The following PLCB4 variants were observed in gnomAD, a reference collection of about 807,000 sequenced individuals.
The protein encoded by PLCB4 is phospholipase C beta 4.
A neutral mutation model predicts 178.8 loss-of-function variants in PLCB4; 77 were observed. The ratio of observed to expected loss-of-function variants is 0.43; its 90% CI spans 0.36 to 0.52. The LOEUF (loss-of-function observed/expected upper bound fraction) is 0.52, where lower values mean the gene tolerates loss of function less well. Ranked by LOEUF, PLCB4 falls within the 20% of genes least tolerant of loss-of-function variation. PLCB4 has a pLI of 0.00. For missense variants in PLCB4, 1,024 were observed against 1,453.4 expected (o/e 0.70, Z 4.80); for synonymous variants, 496 against 490.8 (o/e 1.01, Z -0.14).
At chr20:9,448,917 G>C (rs1159676078) in intron 32 of PLCB4, among the ~76,000 whole-genome samples, 1 of 152,094 alleles carries the variant, frequency 6.6e-6, no homozygotes, top group Non-Finnish European at 1.5e-5. Context: ...GCAAATAGGT[G>C]TGCAATTTGC....
chr20:9,188,874 G>A (rs2093364603), intron 2 of PLCB4, among the ~76,000 whole-genome samples: 1 of 91,908 alleles, frequency 1.1e-5, no homozygotes, highest in Non-Finnish European at 2.0e-5. Context: ...GACATTCTGG[G>A]TTGGTTAATT....
chr20:9,200,573 T>G (rs1405539666), intron 2 of PLCB4, among the ~76,000 whole-genome samples: 1 of 152,192 alleles, frequency 6.6e-6, no homozygotes, highest in Admixed American at 6.5e-5. Context: ...ATCCAATCAT[T>G]GTCTTTTTCT....
chr20:9,177,172 T>C (rs1230803514), intron 2 of PLCB4, among the ~76,000 whole-genome samples: 2 of 151,934 alleles, frequency 1.3e-5, no homozygotes, highest in African/African-American at 4.8e-5. Flanking sequence ...CTAAGCAGAA[T>C]GTGAAAAAAT....
At chr20:9,386,805 C>T (rs1415224279) in intron 14 of PLCB4, among the ~76,000 whole-genome samples, 1 of 112,924 alleles carries the variant, frequency 8.9e-6, no homozygotes, top group Non-Finnish European at 1.8e-5. Flanking sequence ...GCTATCCCTC[C>T]CCCCTCCCCC....
At chr20:9,434,050 G>T (rs1444828283) in intron 28 of PLCB4, among the ~76,000 whole-genome samples, 1 of 152,148 alleles carries the variant, frequency 6.6e-6, no homozygotes, top group Non-Finnish European at 1.5e-5. Flanking sequence ...TAATAGCAAA[G>T]AACTGGAAGG....
intron 19 of PLCB4, among the ~76,000 whole-genome samples, chr20:9,400,788 G>C (rs748249739): frequency 2.0e-5 from 3 of 152,098 alleles, no homozygotes; most frequent in Non-Finnish European, 4.4e-5. Context: ...GGTGGATTCT[G>C]GCATTCTTGT....
At chr20:9,359,543 C>CGT (rs1355540335) in intron 7 of PLCB4, among the ~76,000 whole-genome samples, 1 of 152,120 alleles carries the variant, frequency 6.6e-6, no homozygotes, top group Admixed American at 6.5e-5. Flanking sequence ...ACAGGGAAAC[C>CGT]GTGCTGATCC....
At chr20:9,341,458 A>G (rs1156542287) in intron 7 of PLCB4, among the ~76,000 whole-genome samples, 1 of 152,202 alleles carries the variant, frequency 6.6e-6, no homozygotes, top group African/African-American at 2.4e-5. Flanking sequence ...GAGAAAAAGC[A>G]AATGTTAATA....
chr20:9,145,599 GA>G (rs2092584046), intron 2 of PLCB4, among the ~76,000 whole-genome samples: 1 of 151,858 alleles, frequency 6.6e-6, no homozygotes, highest in Non-Finnish European at 1.5e-5. Context: ...GATAGGGAGA[GA>G]ATGTTCAGCA....
At chr20:9,269,061 A>G (rs759291010) in intron 3 of PLCB4, among the ~76,000 whole-genome samples, 4 of 152,234 alleles carry the variant, frequency 2.6e-5, no homozygotes, top group Non-Finnish European at 5.9e-5. Flanking sequence ...TGGGATCAAA[A>G]AAATGAGGCT....
At chr20:9,140,039 C>T (rs958112822) in intron 2 of PLCB4, among the ~76,000 whole-genome samples, 10 of 152,108 alleles carry the variant, frequency 6.6e-5, no homozygotes. Flanking sequence ...CTGCCTGACA[C>T]TTGCCTTCTA....
At chr20:9,154,905 C>CTCCA (rs2092757965) in intron 2 of PLCB4, among the ~76,000 whole-genome samples, 1 of 62,338 alleles carries the variant, frequency 1.6e-5, no homozygotes, top group African/African-American at 6.0e-5. Context: ...CCCTCCTTCC[C>CTCCA]TCCTTCCTTC....
At chr20:9,287,680 C>A (rs2094546811) in intron 3 of PLCB4, among the ~76,000 whole-genome samples, 1 of 151,984 alleles carries the variant, frequency 6.6e-6, no homozygotes, top group African/African-American at 2.4e-5. Flanking sequence ...TGAGGGATTT[C>A]TGTATGCTAA....
intron 3 of PLCB4, among the ~76,000 whole-genome samples, chr20:9,301,515 T>C (rs887610205): frequency 2.0e-5 from 3 of 152,082 alleles, no homozygotes; most frequent in African/African-American, 7.2e-5. Context: ...GACCACCTTA[T>C]AGGTCTAGCA....
chr20:9,247,915 T>G (rs769302454), intron 3 of PLCB4, among the ~76,000 whole-genome samples: 1 of 152,166 alleles, frequency 6.6e-6, no homozygotes, highest in Non-Finnish European at 1.5e-5. Flanking sequence ...TTTTATTTCT[T>G]AAAAAACATT....
At position 9,324,070 on chromosome 20, in the gene PLCB4, G is replaced by A. The variant is rs1053701475; in HGVS notation, c.85-13056G>A. Among the ~76,000 whole-genome samples the A allele has an allele frequency of 2.0e-5, 3 of 151,974 alleles. No individual in the cohort carries two copies. In the South Asian group the frequency reaches 6.2e-4, roughly 32 times the overall value. On this transcript the variant is annotated intron_variant, in intron 4 of 39. Transcript: ENST00000378473. ...CCTGTAATCTCAGCTACTCAGGAGG[G>A]AGGCTGAGGCAGGAGAATTGCTTAA...
chr20:9,390,930 C>G (rs1158227897), intron 17 of PLCB4, among the ~76,000 whole-genome samples: 1 of 152,156 alleles, frequency 6.6e-6, no homozygotes, highest in Non-Finnish European at 1.5e-5. Flanking sequence ...GAATCACCTA[C>G]AAAACTGTTA....
chr20:9,138,003 A>T (rs2092417358), intron 2 of PLCB4, among the ~76,000 whole-genome samples: 1 of 152,144 alleles, frequency 6.6e-6, no homozygotes, highest in African/African-American at 2.4e-5. Context: ...TATGTAGAGA[A>T]TTTTACGTGC....
chr20:9,365,790 A>G (rs1408825649), intron 9 of PLCB4, among the ~76,000 whole-genome samples: 1 of 152,212 alleles, frequency 6.6e-6, no homozygotes, highest in Non-Finnish European at 1.5e-5. Context: ...AAATCGGCAA[A>G]TAAGTGGTTT....
Sources: gnomAD v4.1 joint callset for allele counts (sites outside exome capture counted in the v4.1 genomes callset) on GRCh38, gnomAD v4.1.1 for gene constraint, MANE v1.5 for transcripts, NCBI Gene and HGNC (gene_info 2026-07-23, HGNC 2026-07-21) for gene names.